Variants in AGBL4 observed in about 807,000 individuals in gnomAD.
The protein encoded by AGBL4 is cytosolic carboxypeptidase 6.
A neutral mutation model predicts 66.4 loss-of-function variants in AGBL4; 58 were observed. The observed-to-expected ratio is 0.87, with a 90% confidence interval of 0.71 to 1.09. AGBL4 has a LOEUF of 1.09. Among genes scored for constraint, AGBL4 ranks in the 50% least tolerant of loss-of-function variants. The probability of loss-of-function intolerance (pLI) is 0.00; values close to 1 mark genes in which losing one functional copy is unlikely to be tolerated. For missense variants in AGBL4, 579 were observed against 631.0 expected, an observed-to-expected ratio of 0.92 and a Z score of 0.88; for synonymous variants, 234 against 222.9, an observed-to-expected ratio of 1.05 and a Z score of -0.44.
chr1:48,984,332 G>A (rs1248985812), intron 5 of AGBL4, among the ~76,000 whole-genome samples: 1 of 151,302 alleles, frequency 6.6e-6, no homozygotes, highest in Non-Finnish European at 1.5e-5. Flanking sequence ...GACTAGGAAT[G>A]TAGCCCTCTT....
At chr1:49,267,170 T>G (rs1225210313) in intron 3 of AGBL4, among the ~76,000 whole-genome samples, 1 of 152,236 alleles carries the variant, frequency 6.6e-6, no homozygotes, top group Non-Finnish European at 1.5e-5. Flanking sequence ...GTACACTTTC[T>G]TTTGAGCCAC....
At chr1:49,729,121 G>A (rs1435445072) in intron 2 of AGBL4, among the ~76,000 whole-genome samples, 1 of 152,172 alleles carries the variant, frequency 6.6e-6, no homozygotes, top group African/African-American at 2.4e-5. Flanking sequence ...GTGAATAAAA[G>A]TAACAGAGGC....
chr1:48,867,139 A>G (rs1648176666), intron 6 of AGBL4, 52 bp downstream of exon 6: 2 of 1,588,414 alleles, frequency 1.3e-6, no homozygotes, highest in African/African-American at 2.7e-5. Flanking sequence ...GCAACAAGGC[A>G]TCATTCAAGA....
intron 6 of AGBL4, among the ~76,000 whole-genome samples, chr1:48,746,051 C>G (rs150653987): frequency 2.2e-3 from 335 of 152,286 alleles, no homozygotes; most frequent in Middle Eastern, 6.8e-3. Flanking sequence ...GATTCACATT[C>G]TATCCTCAAG....
Position 49,639,383 on chromosome 1 carries a change from A to G in AGBL4, c.282+57930T>C, listed in dbSNP as rs77408244. 8.1e-3 allele frequency among the ~76,000 whole-genome samples: 1,228 copies of G among 152,348 alleles called. 9 individuals are homozygous for G. Among genetic ancestry groups the G allele is most frequent in the Middle Eastern group, 0.031 (9 of 294 alleles). ...CACACTTGATACATATTAAATCCTC[A>G]TAACAACTTGATAAGGGAAATAGAA... On this transcript the variant is annotated intron_variant, in intron 3 of 13. Coordinates refer to ENST00000371839, the MANE Select transcript of AGBL4 (RefSeq NM_032785.4).
intron 3 of AGBL4, among the ~76,000 whole-genome samples, chr1:49,590,575 T>C (rs1426198278): frequency 6.6e-6 from 1 of 152,082 alleles, no homozygotes; most frequent in Admixed American, 6.5e-5. Context: ...CATTTCTATA[T>C]ACTTTTCAAA....
At chr1:48,813,874 G>C (rs184203992) in intron 6 of AGBL4, among the ~76,000 whole-genome samples, 192 of 151,400 alleles carry the variant, frequency 1.3e-3, no homozygotes, top group African/African-American at 4.6e-3. Context: ...GCTCAGGAGA[G>C]GGCTCTGGGA....
chr1:48,846,602 C>A (rs572007771), intron 6 of AGBL4, among the ~76,000 whole-genome samples: 1 of 152,264 alleles, frequency 6.6e-6, no homozygotes, highest in East Asian at 1.9e-4. Flanking sequence ...TTTGGCACGC[C>A]CTTTCTCCTC....
At chr1:48,661,007 A>AT (rs563989839) in intron 7 of AGBL4, among the ~76,000 whole-genome samples, 7 of 152,142 alleles carry the variant, frequency 4.6e-5, no homozygotes, top group African/African-American at 1.4e-4. Context: ...TCAACGCAGC[A>AT]TTTTTTCCTC....
At chr1:48,646,288 G>A (rs900936125) in intron 8 of AGBL4, among the ~76,000 whole-genome samples, 6 of 152,138 alleles carry the variant, frequency 3.9e-5, no homozygotes, top group Non-Finnish European at 8.8e-5. Context: ...GAGTGATGAC[G>A]GGCTGGCAGA....
In AGBL4 at chr1:49,790,363, C is replaced by CAAA. The variant is rs11313463; in HGVS notation, c.157+61030_157+61032dup. ...TGGGTGACAGAGTGAGATTCTATCT[C>CAAA]AAAAAAAAAAAAAAAAAAAGAAGCT... is the stretch of plus-strand genomic sequence containing the variant. On this transcript the variant is annotated intron_variant, in intron 2 of 13. Transcript: ENST00000371839. Among the ~76,000 whole-genome samples, 788 of 98,956 alleles carry CAAA rather than the reference C, an allele frequency of 8.0e-3. 8 individuals are homozygous for CAAA. Among genetic ancestry groups the CAAA allele is most frequent in the Non-Finnish European group, 0.013 (647 of 49,878 alleles). 64.9% of individuals were successfully genotyped at this position (98,956 alleles called of 152,430 possible). A position where few individuals can be genotyped will look rare whatever the true frequency, so the allele number is the denominator to read the frequency against.
chr1:49,921,966 C>T (rs574028715), intron 1 of AGBL4, among the ~76,000 whole-genome samples: 1 of 152,190 alleles, frequency 6.6e-6, no homozygotes, highest in Non-Finnish European at 1.5e-5. Context: ...ATCCAGGCAT[C>T]CTTCAATCCA....
At chr1:49,152,677 A>G (rs540466420) in intron 4 of AGBL4, among the ~76,000 whole-genome samples, 1 of 152,324 alleles carries the variant, frequency 6.6e-6, no homozygotes, top group African/African-American at 2.4e-5. Context: ...TTCATTAACT[A>G]GATTTATTAG....
At chr1:49,455,001 G>C (rs1162987110) in intron 3 of AGBL4, among the ~76,000 whole-genome samples, 1 of 151,538 alleles carries the variant, frequency 6.6e-6, no homozygotes, top group Non-Finnish European at 1.5e-5. Context: ...ACCCTCTATA[G>C]TAGGTAATAT....
chr1:49,594,104 G>A (rs1029112295), intron 3 of AGBL4, among the ~76,000 whole-genome samples: 3 of 152,040 alleles, frequency 2.0e-5, no homozygotes, highest in Admixed American at 6.6e-5. Flanking sequence ...ATATATGCAG[G>A]TTTCAAATCC....
At chr1:49,851,640 C>T in intron 1 of AGBL4, 122 bp from the exon 2 acceptor site, 2 of 966,030 alleles carry the variant, frequency 2.1e-6, no homozygotes, top group Admixed American at 3.0e-5. Context: ...AAGAAGTTAA[C>T]ACCACATTGT....
At chr1:49,797,102 A>G (rs1318605247) in intron 2 of AGBL4, among the ~76,000 whole-genome samples, 1 of 152,210 alleles carries the variant, frequency 6.6e-6, no homozygotes, top group Non-Finnish European at 1.5e-5. Context: ...TCTGCCATTT[A>G]ATCTCCAGCA....
intron 3 of AGBL4, among the ~76,000 whole-genome samples, chr1:49,693,612 G>T (rs763865058): frequency 1.1e-4 from 17 of 151,952 alleles, no homozygotes; most frequent in Middle Eastern, 3.4e-3. Context: ...TGTGTGTGTG[G>T]GGGGGTGCTT....
intron 6 of AGBL4, among the ~76,000 whole-genome samples, chr1:48,683,866 G>A (rs772217367): frequency 8.3e-4 from 126 of 152,222 alleles, no homozygotes; most frequent in Non-Finnish European, 1.2e-3. Context: ...CACTTTGCTA[G>A]ACTGGAGAAT....
Sources: gnomAD v4.1 joint callset for allele counts (sites outside exome capture counted in the v4.1 genomes callset) on GRCh38, gnomAD v4.1.1 for gene constraint, MANE v1.5 for transcripts, NCBI Gene and HGNC (gene_info 2026-07-23, HGNC 2026-07-21) for gene names.